PHLPP1: variants seen among roughly 807,000 people sequenced by gnomAD.
The protein encoded by PHLPP1 is PH domain leucine-rich repeat-containing protein phosphatase 1.
A neutral mutation model predicts 117.2 loss-of-function variants in PHLPP1; 42 were observed. The observed-to-expected ratio is 0.36, with a 90% CI of 0.28 to 0.46. PHLPP1 has a LOEUF of 0.46. Among genes scored for constraint, PHLPP1 ranks in the 20% least tolerant of loss-of-function variants. The pLI is 1.00. For synonymous variants in PHLPP1, 1,042 were observed against 970.7 expected (o/e 1.07, Z -1.37); for missense variants, 2,084 against 2,241.9 (o/e 0.93, Z 1.42).
At chr18:62,891,812 G>A (rs1916417508) in intron 4 of PHLPP1, among the ~76,000 whole-genome samples, 1 of 140,164 alleles carries the variant, frequency 7.1e-6, no homozygotes, top group Non-Finnish European at 1.5e-5. Flanking sequence ...AGGATCATCT[G>A]AGCCCAGGAG....
At chr18:62,771,211 C>CAAA (rs766950169) in intron 1 of PHLPP1, among the ~76,000 whole-genome samples, 4 of 58,710 alleles carry the variant, frequency 6.8e-5, no homozygotes, top group African/African-American at 1.1e-4. Flanking sequence ...GAGACTGTCT[C>CAAA]AAAAAAAAAA....
At chr18:62,835,297 G>A (rs1201583140) in intron 2 of PHLPP1, among the ~76,000 whole-genome samples, 5 of 151,402 alleles carry the variant, frequency 3.3e-5, no homozygotes, top group African/African-American at 4.9e-5. Flanking sequence ...TCTGTCTCCC[G>A]GGTTCAAGCC....
intron 1 of PHLPP1, among the ~76,000 whole-genome samples, chr18:62,768,479 C>T (rs1188657615): frequency 1.3e-5 from 2 of 152,108 alleles, no homozygotes; most frequent in South Asian, 2.1e-4. Context: ...TTAAAAATTA[C>T]ATTACTCTGT....
chr18:62,789,561 G>T (rs763459465), intron 1 of PHLPP1, among the ~76,000 whole-genome samples: 1 of 152,046 alleles, frequency 6.6e-6, no homozygotes, highest in Non-Finnish European at 1.5e-5. Flanking sequence ...GGTGCAGTAG[G>T]GGGTGGGGAC....
At position 62,808,805 on chromosome 18, in the gene PHLPP1, C is replaced by T. The variant is rs150970921; in HGVS notation, c.1577-21230C>T. 4.5e-3 allele frequency among the ~76,000 whole-genome samples: 685 copies of T among 152,266 alleles called. 2 individuals carry two copies. Among genetic ancestry groups the T allele is most frequent in the African/African-American group, 0.016 (657 of 41,552 alleles). ...CTTACCTCAGGTGATTCACCCACCT[C>T]GGCCTCCCAAAGTGCTGGGATTACA... On this transcript the variant is annotated intron_variant, in intron 1 of 16. Transcript: ENST00000262719.
chr18:62,884,861 A>G (rs989657060), intron 4 of PHLPP1, among the ~76,000 whole-genome samples: 1 of 152,232 alleles, frequency 6.6e-6, no homozygotes, highest in Non-Finnish European at 1.5e-5. Context: ...GTTTAAAAGT[A>G]CAACTACTTC....
intron 4 of PHLPP1, among the ~76,000 whole-genome samples, chr18:62,864,590 T>C (rs1028276608): frequency 3.9e-5 from 6 of 152,240 alleles, no homozygotes; most frequent in Non-Finnish European, 8.8e-5. Context: ...TCTGCATTCC[T>C]ACACAAAGAG....
chr18:62,775,327 T>G lies in PHLPP1; in HGVS notation c.1577-54708T>G, dbSNP rs148507768. ...GTTGACCAGCTTGGTCTTGAACTCA[T>G]GACCTCAGGTGATCCACCCGCCTCG... On this transcript the variant is annotated intron_variant, in intron 1 of 16. Coordinates refer to ENST00000262719, the MANE Select transcript of PHLPP1 (RefSeq NM_194449.4). Among the ~76,000 whole-genome samples, 166 of 152,316 alleles carry G rather than the reference T, an allele frequency of 1.1e-3. 2 individuals carry two copies. The highest frequency in any genetic ancestry group is 3.8e-3 in the African/African-American group (158 of 41,572).
At position 62,766,104 on chromosome 18, in the gene PHLPP1, A is replaced by AT. The variant is rs1289379653; in HGVS notation, c.1576+48845_1576+48846insT. The stretch of plus-strand genomic sequence containing the variant: ...ATATATATATATATATATATATATA[A>AT]AATATATATATATTTGTACAGAAAA... On this transcript the variant is annotated intron_variant, in intron 1 of 16. Transcript: ENST00000262719. Among the ~76,000 whole-genome samples the AT allele has an allele frequency of 8.3e-4, 34 of 40,988 alleles. 4 individuals are homozygous for AT. Among genetic ancestry groups the AT allele is most frequent in the African/African-American group, 1.8e-3 (26 of 14,726 alleles). 26.9% of individuals were successfully genotyped at this position (40,988 alleles called of 152,430 possible). A position where few individuals can be genotyped will look rare whatever the true frequency, so the allele number is the denominator to read the frequency against.
chr18:62,832,935 C>G (rs1293852198), intron 2 of PHLPP1, among the ~76,000 whole-genome samples: 1 of 152,046 alleles, frequency 6.6e-6, no homozygotes, highest in African/African-American at 2.4e-5. Flanking sequence ...CATTACTTTA[C>G]ATATATGGCT....
chr18:62,966,035 A>G (rs935002337), intron 14 of PHLPP1, among the ~76,000 whole-genome samples: 6 of 152,152 alleles, frequency 3.9e-5, no homozygotes, highest in African/African-American at 1.4e-4. Flanking sequence ...AGAATTTCAA[A>G]GGATTGAGAT....
chr18:62,848,080 A>G (rs1260519996), intron 3 of PHLPP1, among the ~76,000 whole-genome samples: 1 of 152,160 alleles, frequency 6.6e-6, no homozygotes, highest in Admixed American at 6.5e-5. Context: ...CAGATACTTT[A>G]TCTCATAGAT....
At position 62,716,202 on chromosome 18, in the gene PHLPP1, C is replaced by G; in HGVS notation, c.519C>G (p.Asp173Glu). The G allele has an allele frequency of 6.6e-7, 1 of 1,525,278 alleles. No homozygotes were observed. Among genetic ancestry groups the G allele is most frequent in the Non-Finnish European group, 8.8e-7 (1 of 1,142,000 alleles). The allele number at this position is 1,525,278 out of a possible 1,614,324, so 94.5% of individuals were successfully genotyped here. A position where few individuals can be genotyped will look rare whatever the true frequency, so the allele number is the denominator to read the frequency against. ...CGTCGCTGTGCACCCGGAGCCTGGA[C>G]AGGAAGACGCTGCTTCTGAAGCACC... is the stretch of plus-strand genomic sequence containing the variant. ...ASASLCTRSL[D>E]RKTLLLKHRQ... The change falls in exon 1 of 17, where the codon GAC becomes GAG. Residue 173 changes from aspartate (D) to glutamate (E), a missense_variant. Around this residue, in one of 2 missense-constraint regions of PHLPP1, gnomAD observed 719 missense variants for 636.0 expected, o/e 1.13. Coordinates refer to ENST00000262719, the MANE Select transcript of PHLPP1 (RefSeq NM_194449.4). This position sits in a 1 kb window ranked among gnomAD's most constrained non-coding sequence, Gnocchi z 5.7.
chr18:62,859,849 A>G (rs964784245), intron 3 of PHLPP1, among the ~76,000 whole-genome samples: 1 of 152,194 alleles, frequency 6.6e-6, no homozygotes, highest in Admixed American at 6.5e-5. Flanking sequence ...CCTGTCTCCT[A>G]TGCTAGGTTA....
chr18:62,732,691 A>C (rs766157222), intron 1 of PHLPP1, among the ~76,000 whole-genome samples: 20 of 152,216 alleles, frequency 1.3e-4, no homozygotes, highest in Non-Finnish European at 7.3e-5. Context: ...ATCTGGACAA[A>C]ATAAATTGAG....
At chr18:62,874,643 G>A (rs1015941041) in intron 4 of PHLPP1, among the ~76,000 whole-genome samples, 9 of 130,690 alleles carry the variant, frequency 6.9e-5, no homozygotes, top group East Asian at 2.2e-4. Context: ...ATCACAGGGC[G>A]CGCACGCACG....
chr18:62,715,815 G>A lies in PHLPP1; in HGVS notation c.132G>A (p.Ala44=). 1 of 751,306 alleles carries A rather than the reference G, an allele frequency of 1.3e-6. No individual in the cohort carries two copies. The highest frequency in any genetic ancestry group is 1.6e-6 in the Non-Finnish European group (1 of 612,054). 46.5% of individuals were successfully genotyped at this position (751,306 alleles called of 1,614,324 possible). Residue 44 remains alanine (A), a synonymous_variant, in exon 1 of 17, where the codon GCG becomes GCA. Coordinates refer to ENST00000262719, the MANE Select transcript of PHLPP1 (RefSeq NM_194449.4). ...AAAAAAALAA[A]AGGGRSPEPA... Reference sequence around the variant, plus strand: ...CGGCCGCGGCGGCTCTGGCGGCGGCGGCCGGGGGCGGCCGGAGTCCGGAGC... The same window carrying A: ...CGGCCGCGGCGGCTCTGGCGGCGGCAGCCGGGGGCGGCCGGAGTCCGGAGC...
At chr18:62,883,764 T>G (rs1421464858) in intron 4 of PHLPP1, among the ~76,000 whole-genome samples, 1 of 152,206 alleles carries the variant, frequency 6.6e-6, no homozygotes, top group South Asian at 2.1e-4. Context: ...GTGCATATAC[T>G]GTACATTATG....
intron 1 of PHLPP1, among the ~76,000 whole-genome samples, chr18:62,801,524 C>T (rs1429795123): frequency 6.6e-6 from 1 of 152,134 alleles, no homozygotes; most frequent in Non-Finnish European, 1.5e-5. Context: ...GTGATCTTGG[C>T]TTACTGCAAC....
Sources: allele counts gnomAD v4.1 joint callset (sites outside exome capture counted in the v4.1 genomes callset), GRCh38; gene constraint gnomAD v4.1.1; regional missense constraint gnomAD v4.1.1; non-coding constraint Gnocchi (gnomAD v3.1); transcripts MANE v1.5; gene names NCBI Gene and HGNC (gene_info 2026-07-23, HGNC 2026-07-21).